Variants in KMT5B observed in about 807,000 individuals in gnomAD.
The protein encoded by KMT5B is histone-lysine N-methyltransferase KMT5B.
Under a neutral mutation model 83.2 loss-of-function variants are expected in KMT5B, and 10 were observed. The ratio of observed to expected loss-of-function variants is 0.12; its 90% CI spans 0.07 to 0.20. The LOEUF (loss-of-function observed/expected upper bound fraction) is 0.20. Among genes scored for constraint, KMT5B ranks in the 10% least tolerant of loss-of-function variants. The pLI is 1.00. For missense variants in KMT5B, 753 were observed against 1,067.2 expected (o/e 0.71, Z 4.10); for synonymous variants, 349 against 388.8 (o/e 0.90, Z 1.20).
intron 4 of KMT5B, among the ~76,000 whole-genome samples, chr11:68,175,831 A>G (rs560002993): frequency 7.3e-4 from 111 of 152,324 alleles, no homozygotes; most frequent in African/African-American, 2.6e-3. Flanking sequence ...CTGCATTCAG[A>G]GAACAAAACG....
rs115823227 is a variant in KMT5B at position 68,184,966 on chromosome 11, C to T, written c.308+815G>A. Among the ~76,000 whole-genome samples, 858 of 152,272 alleles carry T rather than the reference C, an allele frequency of 5.6e-3. 9 individuals are homozygous for T. The highest frequency in any genetic ancestry group is 0.019 in the African/African-American group (796 of 41,542). On this transcript the variant is annotated intron_variant, in intron 3 of 10. Coordinates refer to ENST00000304363, the MANE Select transcript of KMT5B (RefSeq NM_017635.5). ...AAACACTTACACATCCACTTTCTTACCTGCATACTGAATATAAACATGTCT... is the reference window on the plus strand; with the variant it reads ...AAACACTTACACATCCACTTTCTTATCTGCATACTGAATATAAACATGTCT...
At chr11:68,211,008 G>A (rs374969412) in intron 1 of KMT5B, among the ~76,000 whole-genome samples, 3 of 152,198 alleles carry the variant, frequency 2.0e-5, no homozygotes, top group African/African-American at 7.2e-5. Flanking sequence ...TGGACAGGGA[G>A]CTGCTTAGAT....
chr11:68,196,213 C>A (rs998800754), intron 1 of KMT5B, among the ~76,000 whole-genome samples: 3 of 151,924 alleles, frequency 2.0e-5, no homozygotes, highest in African/African-American at 7.3e-5. Context: ...GGGCAATGCA[C>A]CATGCCTTTC....
chr11:68,204,102 G>A (rs1259346259), intron 1 of KMT5B, among the ~76,000 whole-genome samples: 1 of 152,092 alleles, frequency 6.6e-6, no homozygotes, highest in African/African-American at 2.4e-5. Flanking sequence ...AAGCTGAGCA[G>A]TTTACCTACC....
chr11:68,168,399 G>C (rs973461448), intron 9 of KMT5B, among the ~76,000 whole-genome samples: 1 of 150,574 alleles, frequency 6.6e-6, no homozygotes, highest in African/African-American at 2.4e-5. Flanking sequence ...GCAGTGGTGC[G>C]ATCTTGGCTC....
In KMT5B at chr11:68,156,337, G is replaced by T. The variant is rs540441569; in HGVS notation, c.*1351C>A. ...GCAAAATAATCCAGAGAAATGAAAA[G>T]AACCTGGTATTGAACATAAAGTAGT... On this transcript the variant is annotated 3_prime_UTR_variant, in exon 11 of 11. Coordinates refer to ENST00000304363, the MANE Select transcript of KMT5B (RefSeq NM_017635.5). 1 of 152,546 alleles carries T rather than the reference G, an allele frequency of 6.6e-6. No homozygotes were observed. Among genetic ancestry groups the T allele is most frequent in the African/African-American group, 2.4e-5 (1 of 41,422 alleles). The allele number at this position is 152,546 out of a possible 1,614,324, so 9.4% of individuals were successfully genotyped here. A position where few individuals can be genotyped will look rare whatever the true frequency, so the allele number is the denominator to read the frequency against.
intron 1 of KMT5B, among the ~76,000 whole-genome samples, chr11:68,202,310 T>C (rs185530209): frequency 6.4e-4 from 97 of 152,248 alleles, no homozygotes; most frequent in African/African-American, 2.3e-3. Context: ...ATATTAAAGA[T>C]ACTTACACAA....
rs369657348 is a variant in KMT5B, at chr11:68,175,067, T to C, written c.494A>G (p.His165Arg). The stretch of plus-strand genomic sequence containing the variant: ...CATTTTATTCTTGTTGAGAAAATAG[T>C]GCCGTGCCCATTCGCCTGAAGTCAA... Reference protein sequence around the residue: ...KCLTSGEWARHYFLNKNKMQE... With the variant: ...KCLTSGEWARRYFLNKNKMQE... The change falls in exon 5 of 11, where the codon CAC becomes CGC. Residue 165 changes from histidine to arginine, a missense_variant. Physicochemically the swap from His to Arg is conservative, Grantham distance 29 (BLOSUM62 0). Around this residue, in one of 9 missense-constraint regions of KMT5B, gnomAD observed 71 missense variants for 107.0 expected, o/e 0.66. Transcript: ENST00000304363. The C allele has an allele frequency of 2.5e-6, 4 of 1,613,964 alleles. No individual in the cohort carries two copies. In the African/African-American group the frequency reaches 5.3e-5, roughly 22 times the overall value.
chr11:68,186,369 T>C (rs1392284746), intron 2 of KMT5B, among the ~76,000 whole-genome samples: 1 of 152,170 alleles, frequency 6.6e-6, no homozygotes, highest in Non-Finnish European at 1.5e-5. Flanking sequence ...AGATCTCAAG[T>C]ATCAAAAGGA....
intron 4 of KMT5B, chr11:68,179,323 G>T: frequency 1.4e-6 from 1 of 697,024 alleles, no homozygotes. Flanking sequence ...TAGAAAATTT[G>T]CTACTTTAAA....
At chr11:68,161,211 A>C (rs1383461875) in intron 10 of KMT5B, among the ~76,000 whole-genome samples, 1 of 152,200 alleles carries the variant, frequency 6.6e-6, no homozygotes, top group Non-Finnish European at 1.5e-5. Flanking sequence ...TTTTTTAATA[A>C]GAAATTTAGA....
At chr11:68,177,367 G>A (rs1856482472) in intron 4 of KMT5B, among the ~76,000 whole-genome samples, 1 of 152,116 alleles carries the variant, frequency 6.6e-6, no homozygotes, top group Admixed American at 6.5e-5. Context: ...GGAAGAATGA[G>A]GGGAAGTCTA....
chr11:68,179,821 C>T (rs1387678170), intron 4 of KMT5B: 4 of 388,118 alleles, frequency 1.0e-5, no homozygotes, highest in Non-Finnish European at 1.8e-5. Flanking sequence ...GCTCTTCAGT[C>T]CTTCTTGACC....
chr11:68,193,559 C>G (rs920909484), intron 1 of KMT5B, among the ~76,000 whole-genome samples: 5 of 151,474 alleles, frequency 3.3e-5, no homozygotes, highest in African/African-American at 7.3e-5. Context: ...CAATTGTTTT[C>G]TAACATGAAT....
At chr11:68,189,121 C>T (rs1030488490) in intron 2 of KMT5B, among the ~76,000 whole-genome samples, 11 of 152,188 alleles carry the variant, frequency 7.2e-5, no homozygotes, top group African/African-American at 2.7e-4. Flanking sequence ...AATCCAAATC[C>T]CTGGAAACAG....
chr11:68,208,905 T>TTATA (rs1860514497), intron 1 of KMT5B, among the ~76,000 whole-genome samples: 1 of 152,140 alleles, frequency 6.6e-6, no homozygotes, highest in Non-Finnish European at 1.5e-5. Flanking sequence ...TGGTACTTAT[T>TTATA]TATATGCACC....
At chr11:68,179,391 GA>G (rs1165299241) in intron 4 of KMT5B, 1 of 1,225,152 alleles carries the variant, frequency 8.2e-7, no homozygotes, top group Non-Finnish European at 1.1e-6. Flanking sequence ...GCTGGTATAA[GA>G]AAAATAAAAA....
intron 1 of KMT5B, among the ~76,000 whole-genome samples, chr11:68,205,299 C>G (rs1189861922): frequency 1.3e-5 from 2 of 151,940 alleles, no homozygotes; most frequent in African/African-American, 4.8e-5. Flanking sequence ...GCCTGGGTGA[C>G]AGAGTGAGAC....
intron 10 of KMT5B, among the ~76,000 whole-genome samples, chr11:68,161,120 T>G (rs1854822880): frequency 6.6e-6 from 1 of 152,178 alleles, no homozygotes; most frequent in African/African-American, 2.4e-5. Flanking sequence ...GTAGGAGTAG[T>G]GAACTTTGAA....
Sources: gnomAD v4.1 joint callset for allele counts (sites outside exome capture counted in the v4.1 genomes callset) on GRCh38, gnomAD v4.1.1 for gene constraint, gnomAD v4.1.1 regional missense constraint, MANE v1.5 for transcripts, NCBI Gene and HGNC (gene_info 2026-07-23, HGNC 2026-07-21) for gene names.